Variants in PTPRD observed in about 807,000 individuals in gnomAD.
PTPRD encodes protein tyrosine phosphatase receptor type D, also known as receptor-type tyrosine-protein phosphatase delta.
PTPRD carries 34 observed loss-of-function variants against 214.5 expected under a neutral mutation model. The observed-to-expected ratio is 0.16, with a 90% CI of 0.12 to 0.21. The LOEUF is 0.21. Ranked by LOEUF, PTPRD falls within the 10% of genes least tolerant of loss-of-function variation. PTPRD has a pLI of 1.00. For synonymous variants in PTPRD, 1,128 were observed against 845.7 expected, an observed-to-expected ratio of 1.33 and a Z score of -5.79; for missense variants, 2,545 against 2,398.7, an observed-to-expected ratio of 1.06 and a Z score of -1.27.
At chr9:9,652,189 T>C (rs1005861587) in intron 7 of PTPRD, among the ~76,000 whole-genome samples, 1 of 152,124 alleles carries the variant, frequency 6.6e-6, no homozygotes, top group African/African-American at 2.4e-5. Flanking sequence ...TCAAAGCCTT[T>C]CTGCTCTATT....
At chr9:9,151,105 A>G (rs1256222336) in intron 10 of PTPRD, among the ~76,000 whole-genome samples, 1 of 152,236 alleles carries the variant, frequency 6.6e-6, no homozygotes, top group Non-Finnish European at 1.5e-5. Context: ...AGGGGTAGGA[A>G]TGGCTCTAGC....
chr9:8,934,449 ATTTATATATATAT>A (rs2098977717), intron 11 of PTPRD, among the ~76,000 whole-genome samples: 2 of 47,496 alleles, frequency 4.2e-5, no homozygotes, highest in Non-Finnish European at 6.7e-5. Flanking sequence ...ATATATATAA[ATTTATATATATAT>A]AAATATATAT....
intron 4 of PTPRD, among the ~76,000 whole-genome samples, chr9:9,964,624 T>A (rs2094565515): frequency 6.6e-6 from 1 of 152,198 alleles, no homozygotes; most frequent in South Asian, 2.1e-4. Flanking sequence ...GGTTTGATTT[T>A]CTTTTTAGTT....
intron 5 of PTPRD, among the ~76,000 whole-genome samples, chr9:9,856,225 G>A (rs535894953): frequency 6.6e-6 from 1 of 152,228 alleles, no homozygotes; most frequent in Non-Finnish European, 1.5e-5. Flanking sequence ...CTGACATCCA[G>A]CCACTCTTCC....
At chr9:9,601,049 C>T (rs928017093) in intron 7 of PTPRD, among the ~76,000 whole-genome samples, 10 of 143,690 alleles carry the variant, frequency 7.0e-5, no homozygotes, top group South Asian at 2.2e-4. Context: ...AACTAATTGA[C>T]GAAACAAAGA....
At chr9:9,244,793 C>A (rs200838958) in intron 9 of PTPRD, among the ~76,000 whole-genome samples, 11 of 151,986 alleles carry the variant, frequency 7.2e-5, no homozygotes, top group Non-Finnish European at 1.3e-4. Flanking sequence ...AATGGGATCT[C>A]ATTAAACTAA....
intron 2 of PTPRD, among the ~76,000 whole-genome samples, chr9:10,480,258 T>G (rs1358733731): frequency 2.0e-5 from 3 of 152,200 alleles, no homozygotes; most frequent in Non-Finnish European, 2.9e-5. Context: ...TATCTAATTT[T>G]CTCAAACATG....
chr9:8,630,007 C>T (rs2096198959), intron 14 of PTPRD, among the ~76,000 whole-genome samples: 1 of 151,758 alleles, frequency 6.6e-6, no homozygotes, highest in African/African-American at 2.4e-5. Flanking sequence ...ATTTCAATGT[C>T]TTCTTCATTA....
At chr9:8,641,722 GATT>G (rs2096580949) in intron 12 of PTPRD, among the ~76,000 whole-genome samples, 1 of 152,186 alleles carries the variant, frequency 6.6e-6, no homozygotes. Flanking sequence ...GAATTTAGTA[GATT>G]ATTATTTGCT....
At chr9:9,531,634 ATTATG>A (rs1033378189) in intron 8 of PTPRD, among the ~76,000 whole-genome samples, 3 of 152,028 alleles carry the variant, frequency 2.0e-5, no homozygotes, top group Non-Finnish European at 4.4e-5. Flanking sequence ...CCTCGCACAG[ATTATG>A]TTATATTTTG....
At chr9:8,560,598 G>C (rs923985868) in intron 14 of PTPRD, among the ~76,000 whole-genome samples, 15 of 152,094 alleles carry the variant, frequency 9.9e-5, no homozygotes, top group African/African-American at 3.6e-4. Flanking sequence ...GCTGAACAAA[G>C]TCATTCAATG....
intron 11 of PTPRD, among the ~76,000 whole-genome samples, chr9:8,777,802 G>T (rs773389547): frequency 2.0e-5 from 3 of 152,034 alleles, no homozygotes; most frequent in Non-Finnish European, 2.9e-5. Flanking sequence ...GATCCTATGG[G>T]ACCTAATTTT....
chr9:8,785,757 G>A (rs761727065), intron 11 of PTPRD, among the ~76,000 whole-genome samples: 1 of 152,312 alleles, frequency 6.6e-6, no homozygotes, highest in East Asian at 1.9e-4. Flanking sequence ...TTCAAGTTCA[G>A]TAAGTTAAAG....
At chr9:10,474,618 G>T (rs1288453022) in intron 2 of PTPRD, among the ~76,000 whole-genome samples, 9 of 152,008 alleles carry the variant, frequency 5.9e-5, no homozygotes, top group African/African-American at 2.2e-4. Flanking sequence ...CTTGAACTCG[G>T]CTTTGGACCA....
At chr9:9,152,099 T>A (rs1283050213) in intron 10 of PTPRD, among the ~76,000 whole-genome samples, 1 of 152,224 alleles carries the variant, frequency 6.6e-6, no homozygotes, top group African/African-American at 2.4e-5. Flanking sequence ...GAATCTTCTG[T>A]GTCATTGCAT....
intron 2 of PTPRD, among the ~76,000 whole-genome samples, chr9:10,510,006 C>G (rs1246483096): frequency 6.6e-6 from 1 of 151,920 alleles, no homozygotes; most frequent in Non-Finnish European, 1.5e-5. Context: ...AATTCGAGTT[C>G]TTATGATATA....
intron 34 of PTPRD, among the ~76,000 whole-genome samples, chr9:8,443,724 T>A (rs1229433729): frequency 6.6e-6 from 1 of 151,908 alleles, no homozygotes; most frequent in African/African-American, 2.4e-5. Flanking sequence ...GCAGACACTT[T>A]AATATTGAAT....
chr9:10,351,224 T>G (rs1303328344), intron 2 of PTPRD, among the ~76,000 whole-genome samples: 2 of 152,186 alleles, frequency 1.3e-5, no homozygotes, highest in Non-Finnish European at 2.9e-5. Flanking sequence ...TTTAATCATC[T>G]ACTATCGTGG....
chr9:9,288,383 G>A (rs1359867667), intron 9 of PTPRD, among the ~76,000 whole-genome samples: 1 of 151,654 alleles, frequency 6.6e-6, no homozygotes. Flanking sequence ...TTCATACTTT[G>A]TTAAACATTT....
Sources: allele counts gnomAD v4.1 joint callset (sites outside exome capture counted in the v4.1 genomes callset), GRCh38; gene constraint gnomAD v4.1.1; transcripts MANE v1.5; gene names NCBI Gene and HGNC (gene_info 2026-07-23, HGNC 2026-07-21).